Variants in RASSF3 observed in about 807,000 individuals in gnomAD.
RASSF3 encodes the protein ras association domain-containing protein 3.
In RASSF3, 19 loss-of-function variants were observed where a neutral mutation model predicts 19.9. That is an observed-to-expected ratio of 0.96 (90% CI 0.67 to 1.40). The LOEUF (loss-of-function observed/expected upper bound fraction) is 1.40. Among genes scored for constraint, RASSF3 ranks in the 40% most tolerant of loss-of-function variants. The pLI is 0.00. For synonymous variants in RASSF3, 110 were observed against 104.2 expected (o/e 1.06, Z -0.34); for missense variants, 306 against 289.8 (o/e 1.06, Z -0.41).
chr12:64,556,308 C>A (rs1869255398), intron 2 of RASSF3, among the ~76,000 whole-genome samples: 2 of 152,146 alleles, frequency 1.3e-5, no homozygotes, highest in South Asian at 4.1e-4. Flanking sequence ...GCATGCACAC[C>A]ACACCCAGCT....
At chr12:64,634,353 A>G (rs1012756011) in intron 1 of RASSF3, among the ~76,000 whole-genome samples, 1 of 147,402 alleles carries the variant, frequency 6.8e-6, no homozygotes, top group Admixed American at 6.8e-5. Context: ...TCATTTTTTC[A>G]TAGAAATGAG....
intron 1 of RASSF3, among the ~76,000 whole-genome samples, chr12:64,635,652 C>T (rs1217496786): frequency 2.0e-5 from 3 of 152,178 alleles, no homozygotes; most frequent in Admixed American, 6.5e-5. Context: ...GATTAACCAA[C>T]GTTAGAAACT....
intron 1 of RASSF3, among the ~76,000 whole-genome samples, chr12:64,643,281 A>C (rs1274911991): frequency 1.3e-5 from 2 of 152,202 alleles, no homozygotes; most frequent in Non-Finnish European, 2.9e-5. Context: ...TCTGGTCCAT[A>C]GTAAAGCTCC....
intron 1 of RASSF3, among the ~76,000 whole-genome samples, chr12:64,525,334 A>G (rs1868562086): frequency 6.6e-6 from 1 of 152,158 alleles, no homozygotes; most frequent in South Asian, 2.1e-4. Context: ...GCCATTTTCT[A>G]CTCTGAATTG....
intron 1 of RASSF3, among the ~76,000 whole-genome samples, chr12:64,625,215 T>TTTA (rs908868286): frequency 1.1e-3 from 163 of 151,940 alleles, no homozygotes; most frequent in African/African-American, 3.2e-3. Context: ...GGAGGATTAA[T>TTTA]TTATTATTAT....
chr12:64,596,539 T>C (rs1870001571), intron 2 of RASSF3, among the ~76,000 whole-genome samples: 1 of 152,156 alleles, frequency 6.6e-6, no homozygotes, highest in Admixed American at 6.6e-5. Flanking sequence ...GTGCACTGCA[T>C]GTGTCCCTCG....
chr12:64,594,862 C>A (rs965432474), intron 2 of RASSF3, among the ~76,000 whole-genome samples: 3 of 152,082 alleles, frequency 2.0e-5, no homozygotes, highest in Non-Finnish European at 4.4e-5. Context: ...ATCATCCCAC[C>A]TTAGCCTCCC....
intron 2 of RASSF3, among the ~76,000 whole-genome samples, chr12:64,597,211 C>A (rs1416018759): frequency 2.0e-5 from 3 of 152,078 alleles, no homozygotes; most frequent in Non-Finnish European, 1.5e-5. Context: ...TCGCTCACTG[C>A]AACCTCCACC....
At chr12:64,622,191 C>G (rs1336568463) in intron 1 of RASSF3, among the ~76,000 whole-genome samples, 1 of 151,404 alleles carries the variant, frequency 6.6e-6, no homozygotes, top group African/African-American at 2.4e-5. Flanking sequence ...GTTGGGATTA[C>G]AGGCATGCAC....
intron 2 of RASSF3, among the ~76,000 whole-genome samples, chr12:64,586,058 C>T (rs1014522483): frequency 1.3e-5 from 2 of 152,186 alleles, no homozygotes; most frequent in African/African-American, 4.8e-5. Flanking sequence ...GGCACGGTGG[C>T]TCACGCCTGT....
At chr12:64,560,143 A>G (rs1869324006) in intron 2 of RASSF3, among the ~76,000 whole-genome samples, 1 of 152,210 alleles carries the variant, frequency 6.6e-6, no homozygotes, top group Admixed American at 6.5e-5. Context: ...CCAAGTCAAC[A>G]TCCTGAGAGG....
chr12:64,680,119 C>G (rs1339325803), intron 1 of RASSF3, among the ~76,000 whole-genome samples: 3 of 152,074 alleles, frequency 2.0e-5, no homozygotes, highest in African/African-American at 2.4e-5. Flanking sequence ...CATACAGCTG[C>G]GTTCCTAGAA....
At chr12:64,590,972 C>T (rs1869910768) in intron 2 of RASSF3, among the ~76,000 whole-genome samples, 2 of 152,206 alleles carry the variant, frequency 1.3e-5, no homozygotes, top group Admixed American at 6.5e-5. Context: ...TGTAGAAATA[C>T]AGCTATTAAC....
At chr12:64,691,966 C>A (rs1020530083) in intron 4 of RASSF3, among the ~76,000 whole-genome samples, 1 of 152,162 alleles carries the variant, frequency 6.6e-6, no homozygotes, top group Non-Finnish European at 1.5e-5. Context: ...ACAAAAGTCT[C>A]CAGGCTAATT....
intron 2 of RASSF3, among the ~76,000 whole-genome samples, chr12:64,574,289 C>T (rs187884108): frequency 4.1e-5 from 6 of 146,988 alleles, no homozygotes; most frequent in East Asian, 4.0e-4. Flanking sequence ...CCAGCCTGGG[C>T]GACAGAGCGA....
At chr12:64,518,275 A>G (rs1433349111) in intron 1 of RASSF3, among the ~76,000 whole-genome samples, 1 of 152,164 alleles carries the variant, frequency 6.6e-6, no homozygotes, top group Non-Finnish European at 1.5e-5. Context: ...GCATTGCTAT[A>G]AAGAAAATAC....
chr12:64,617,402 CT>C lies in RASSF3; in HGVS notation c.111+6663del, dbSNP rs1356392993. Among the ~76,000 whole-genome samples the C allele has an allele frequency of 2.0e-5, 3 of 152,262 alleles. No individual in the cohort carries two copies. The East Asian group carries it at 5.8e-4, about 29-fold the overall frequency. On this transcript the variant is annotated intron_variant, in intron 1 of 4. Coordinates refer to ENST00000542104, the MANE Select transcript of RASSF3 (RefSeq NM_178169.4). ...GTGAACAATACACAGTCCCTGGCCTCTTTTGGCAATGTTTTTAAAAAGCTTA... is the reference window on the plus strand; with the variant it reads ...GTGAACAATACACAGTCCCTGGCCTCTTTGGCAATGTTTTTAAAAAGCTTA...
Position 64,695,217 on chromosome 12 carries a change from G to T in RASSF3, c.*305G>T, listed in dbSNP as rs1381798432. The T allele has an allele frequency of 5.6e-5, 14 of 249,500 alleles. No homozygotes were observed. The highest frequency in any genetic ancestry group is 8.4e-5 in the Non-Finnish European group (11 of 131,340). The allele number at this position is 249,500 out of a possible 1,614,324, so 15.5% of individuals were successfully genotyped here. On this transcript the variant is annotated 3_prime_UTR_variant, in exon 5 of 5. Transcript: ENST00000542104. ...GAACTCTGGGGGTGTTTTTTTTTTTGGTTATTTTAATTATGTGATGATGCT... is the reference window on the plus strand; with the variant it reads ...GAACTCTGGGGGTGTTTTTTTTTTTTGTTATTTTAATTATGTGATGATGCT...
intron 1 of RASSF3, among the ~76,000 whole-genome samples, chr12:64,613,332 A>G (rs937190980): frequency 2.0e-5 from 3 of 151,610 alleles, no homozygotes; most frequent in Non-Finnish European, 2.9e-5. Context: ...AGAAGGATCT[A>G]TTAGAGATAC....
Sources: gnomAD v4.1 joint callset for allele counts (sites outside exome capture counted in the v4.1 genomes callset) on GRCh38, gnomAD v4.1.1 for gene constraint, MANE v1.5 for transcripts, NCBI Gene and HGNC (gene_info 2026-07-23, HGNC 2026-07-21) for gene names.